Variants in AFDN observed in about 807,000 individuals in gnomAD.
AFDN encodes the protein afadin.
In AFDN, 68 loss-of-function variants were observed where a neutral mutation model predicts 216.6. The observed-to-expected ratio is 0.31, with a 90% CI of 0.26 to 0.38. AFDN has a LOEUF of 0.38. AFDN is among the 10% of genes least tolerant of loss of function. The pLI, the probability that AFDN is intolerant of heterozygous loss-of-function variation, is 1.00. For synonymous variants in AFDN, 868 were observed against 853.7 expected (o/e 1.02, Z -0.29); for missense variants, 2,136 against 2,342.0 (o/e 0.91, Z 1.82).
At chr6:167,920,457 A>C (rs1791636742) in intron 21 of AFDN, among the ~76,000 whole-genome samples, 1 of 152,202 alleles carries the variant, frequency 6.6e-6, no homozygotes, top group African/African-American at 2.4e-5. Context: ...CATCTCAGCA[A>C]GTCAGAAAGC....
intron 30 of AFDN, among the ~76,000 whole-genome samples, chr6:167,957,046 A>AGCCT (rs1002072300): frequency 1.3e-5 from 2 of 151,940 alleles, no homozygotes; most frequent in Admixed American, 6.6e-5. Context: ...CTGGCCCTCC[A>AGCCT]GCCTGCCTGC....
chr6:167,889,158 T>C (rs1787244657), intron 6 of AFDN, 57 bp from the exon 7 acceptor site: 3 of 1,130,140 alleles, frequency 2.7e-6, no homozygotes, highest in Admixed American at 1.8e-5. Flanking sequence ...TTCTTTTAAG[T>C]ACTTGTTAAC....
chr6:167,944,097 A>G (rs1370266601), intron 26 of AFDN, 38 bp downstream of exon 26: 6 of 1,508,974 alleles, frequency 4.0e-6, no homozygotes, highest in African/African-American at 2.7e-5. Context: ...TTTTACAGTC[A>G]TGGCCTCTTT....
At chr6:167,899,556 C>T (rs1191404148) in intron 11 of AFDN, among the ~76,000 whole-genome samples, 4 of 152,200 alleles carry the variant, frequency 2.6e-5, no homozygotes, top group Non-Finnish European at 4.4e-5. Context: ...TTTACATGGG[C>T]TCTTCCCTTC....
At chr6:167,896,785 T>C (rs977714705) in intron 9 of AFDN, 93 bp from the exon 10 acceptor site, 4 of 694,570 alleles carry the variant, frequency 5.8e-6, no homozygotes, top group South Asian at 3.8e-5. Flanking sequence ...AAATGAGAAC[T>C]GTAGTGCCTG....
chr6:167,970,002 G>T lies in AFDN; in HGVS notation c.*67G>T, dbSNP rs567322687. 2.8e-5 allele frequency: 37 copies of T among 1,307,308 alleles called. No individual in the cohort carries two copies. In the African/African-American group the frequency reaches 5.5e-4, roughly 19 times the overall value. The allele number at this position is 1,307,308 out of a possible 1,614,324, so 81.0% of individuals were successfully genotyped here. ...TTCAGTTGTGGGTTTGTAGGTGCGA[G>T]TTTGAAGAGGAAAAGAGGAAGGGGG... is the stretch of plus-strand genomic sequence containing the variant. On this transcript the variant is annotated 3_prime_UTR_variant, in exon 34 of 34. Coordinates refer to ENST00000683244, the MANE Select transcript of AFDN (RefSeq NM_001386888.1).
intron 1 of AFDN, among the ~76,000 whole-genome samples, chr6:167,852,189 C>T (rs1782395052): frequency 6.6e-6 from 1 of 152,094 alleles, no homozygotes; most frequent in Non-Finnish European, 1.5e-5. Flanking sequence ...GTTATTCGGT[C>T]CATACTGAGA....
chr6:167,874,014 C>T (rs1385570173), intron 4 of AFDN, among the ~76,000 whole-genome samples: 3 of 152,142 alleles, frequency 2.0e-5, no homozygotes, highest in Non-Finnish European at 4.4e-5. Context: ...TAATAAGACT[C>T]TATTAAATGC....
intron 27 of AFDN, 23 bp from the exon 28 acceptor site, chr6:167,947,830 T>C: frequency 6.5e-7 from 1 of 1,530,786 alleles, no homozygotes; most frequent in Middle Eastern, 1.7e-4. Flanking sequence ...TACACTTTTT[T>C]TTTTCCCCCC....
intron 23 of AFDN, among the ~76,000 whole-genome samples, chr6:167,934,120 G>C (rs947878186): frequency 6.6e-6 from 1 of 152,188 alleles, no homozygotes; most frequent in Non-Finnish European, 1.5e-5. Context: ...TGCAAATGTC[G>C]CGTGCGGTCT....
intron 1 of AFDN, among the ~76,000 whole-genome samples, chr6:167,829,721 T>G (rs1042630102): frequency 6.6e-6 from 1 of 152,210 alleles, no homozygotes; most frequent in African/African-American, 2.4e-5. Context: ...TTTTCAAATT[T>G]TATAACTTCA....
At chr6:167,860,736 C>A (rs557186732) in intron 1 of AFDN, among the ~76,000 whole-genome samples, 10 of 152,284 alleles carry the variant, frequency 6.6e-5, no homozygotes, top group African/African-American at 2.4e-4. Context: ...GATGTCTAGA[C>A]GTGGTGGATG....
Position 167,947,834 on chromosome 6 carries a change from TCCC to T in AFDN, c.3554-15_3554-13del. The T allele has an allele frequency of 7.6e-7, 1 of 1,318,142 alleles. No individual in the cohort carries two copies. The highest frequency in any genetic ancestry group is 1.6e-5 in the African/African-American group (1 of 62,014). The allele number at this position is 1,318,142 out of a possible 1,614,324, so 81.7% of individuals were successfully genotyped here. The stretch of plus-strand genomic sequence containing the variant: ...TTATTTAATATTACACTTTTTTTTT[TCCC>T]CCCTGACTTGAGCAGATCAGCCTCC... On this transcript the variant is annotated splice_polypyrimidine_tract_variant and intron_variant, in intron 27 of 33. Coordinates refer to ENST00000683244, the MANE Select transcript of AFDN (RefSeq NM_001386888.1).
At chr6:167,943,354 C>G (rs1794916657) in intron 24 of AFDN, 48 bp from the exon 25 acceptor site, 2 of 1,569,994 alleles carry the variant, frequency 1.3e-6, no homozygotes, top group Non-Finnish European at 1.8e-6. Context: ...CTCCCGCTCT[C>G]TTTGCTCTCT....
intron 4 of AFDN, among the ~76,000 whole-genome samples, chr6:167,873,383 C>G (rs1299923022): frequency 2.0e-5 from 3 of 152,196 alleles, no homozygotes; most frequent in African/African-American, 7.2e-5. Flanking sequence ...TTCACAAAAA[C>G]ATTTTTAAAC....
intron 1 of AFDN, among the ~76,000 whole-genome samples, chr6:167,839,890 A>G (rs371786976): frequency 1.1e-4 from 16 of 152,180 alleles, no homozygotes; most frequent in Non-Finnish European, 2.1e-4. Flanking sequence ...GGAATATTCT[A>G]TGGGGAAGAG....
intron 18 of AFDN, 96 bp from the exon 19 acceptor site, chr6:167,915,072 C>T: frequency 7.7e-7 from 1 of 1,301,048 alleles, no homozygotes; most frequent in Non-Finnish European, 1.1e-6. Context: ...ACGGCACTTA[C>T]TACCATAGGT....
chr6:167,925,178 T>G, intron 23 of AFDN, 87 bp downstream of exon 23: 1 of 916,748 alleles, frequency 1.1e-6, no homozygotes, highest in Non-Finnish European at 1.8e-6. Flanking sequence ...GTGGGAGTAC[T>G]TTACCACCTG....
At chr6:167,834,322 C>G (rs1780158318) in intron 1 of AFDN, among the ~76,000 whole-genome samples, 1 of 152,110 alleles carries the variant, frequency 6.6e-6, no homozygotes, top group African/African-American at 2.4e-5. Flanking sequence ...CTCATAAGTG[C>G]TCGCACTTAG....
Sources: allele counts gnomAD v4.1 joint callset (sites outside exome capture counted in the v4.1 genomes callset), GRCh38; gene constraint gnomAD v4.1.1; transcripts MANE v1.5; gene names NCBI Gene and HGNC (gene_info 2026-07-23, HGNC 2026-07-21).